LIPI: variants seen among roughly 807,000 people sequenced by gnomAD.
LIPI encodes the protein lipase I, also known as lipase member I.
Under a neutral mutation model 50.6 loss-of-function variants are expected in LIPI, and 59 were observed. That is an observed-to-expected ratio of 1.16 (90% CI 0.94 to 1.45). The LOEUF (loss-of-function observed/expected upper bound fraction) is 1.45. Ranked by LOEUF, LIPI falls within the 40% of genes most tolerant of loss-of-function variation. The pLI, the probability that LIPI is intolerant of heterozygous loss-of-function variation, is 0.00. For synonymous variants in LIPI, 203 were observed against 178.2 expected (o/e 1.14, Z -1.11); for missense variants, 586 against 536.3 (o/e 1.09, Z -0.92).
At chr21:14,176,547 G>A (rs447815) in intron 4 of LIPI, among the ~76,000 whole-genome samples, 20,831 of 151,272 alleles carry the variant, frequency 0.14, 1,893 homozygotes, top group Non-Finnish European at 0.2. Flanking sequence ...GTATTCATTA[G>A]TTATTTTTAA....
At chr21:14,117,017 C>T (rs1189187312) in intron 9 of LIPI, among the ~76,000 whole-genome samples, 1 of 152,046 alleles carries the variant, frequency 6.6e-6, no homozygotes, top group Non-Finnish European at 1.5e-5. Context: ...AGAGTACCCC[C>T]CAAACTTCAC....
At chr21:14,131,165 T>C (rs2017280124) in intron 9 of LIPI, among the ~76,000 whole-genome samples, 1 of 152,080 alleles carries the variant, frequency 6.6e-6, no homozygotes, top group Admixed American at 6.5e-5. Flanking sequence ...TTAGCCAGGA[T>C]GGTCTCGATC....
chr21:14,206,750 T>C, intron 1 of LIPI: 1 of 932,170 alleles, frequency 1.1e-6, no homozygotes, highest in Non-Finnish European at 1.7e-6. Flanking sequence ...AGCCCAGTGT[T>C]GTTTTATATT....
At chr21:14,132,616 A>C (rs748647421) in intron 9 of LIPI, among the ~76,000 whole-genome samples, 8 of 152,164 alleles carry the variant, frequency 5.3e-5, no homozygotes, top group Non-Finnish European at 1.2e-4. Flanking sequence ...ACCATCACAA[A>C]AACACAAAAA....
chr21:14,183,432 A>C (rs983535739), intron 3 of LIPI, among the ~76,000 whole-genome samples: 3 of 152,352 alleles, frequency 2.0e-5, no homozygotes, highest in African/African-American at 7.2e-5. Context: ...CTTCATGTCT[A>C]AATCACCAAA....
intron 4 of LIPI, among the ~76,000 whole-genome samples, chr21:14,171,238 A>G (rs1173466364): frequency 6.7e-6 from 1 of 150,030 alleles, no homozygotes; most frequent in Non-Finnish European, 1.5e-5. Flanking sequence ...ATGGAAGAAC[A>G]TTCCATGCTC....
chr21:14,178,096 T>C (rs1245923465), intron 4 of LIPI, among the ~76,000 whole-genome samples: 2 of 152,140 alleles, frequency 1.3e-5, no homozygotes, highest in Non-Finnish European at 2.9e-5. Flanking sequence ...TTATTCACCT[T>C]ATTTAAATAA....
At chr21:14,204,676 T>C (rs1021688202) in intron 1 of LIPI, among the ~76,000 whole-genome samples, 5 of 152,028 alleles carry the variant, frequency 3.3e-5, no homozygotes, top group African/African-American at 9.7e-5. Context: ...AAATATATCA[T>C]TTTAACTATA....
intron 5 of LIPI, among the ~76,000 whole-genome samples, 170 bp downstream of exon 5, chr21:14,166,192 A>G (rs2018676645): frequency 6.6e-6 from 1 of 152,208 alleles, no homozygotes; most frequent in Admixed American, 6.5e-5. Flanking sequence ...GGTAACCTTT[A>G]TGAACTAAGC....
intron 1 of LIPI, among the ~76,000 whole-genome samples, chr21:14,198,671 G>T (rs1449640938): frequency 6.6e-6 from 1 of 151,986 alleles, no homozygotes; most frequent in African/African-American, 2.4e-5. Flanking sequence ...CAATAATAAT[G>T]GGAGACTTCA....
At chr21:14,129,750 A>T (rs574286406) in intron 9 of LIPI, among the ~76,000 whole-genome samples, 11 of 149,870 alleles carry the variant, frequency 7.3e-5, no homozygotes, top group South Asian at 2.1e-4. Context: ...GCTGATTTTT[A>T]AAAAAACCTA....
At chr21:14,189,002 G>C in intron 2 of LIPI, 32 bp downstream of exon 2, 1 of 1,520,156 alleles carries the variant, frequency 6.6e-7, no homozygotes, top group Non-Finnish European at 9.0e-7. Flanking sequence ...ATATTGTATA[G>C]CATGTATAAT....
chr21:14,161,459 TA>T (rs1201062871), intron 7 of LIPI, among the ~76,000 whole-genome samples: 4 of 139,168 alleles, frequency 2.9e-5, no homozygotes, highest in Non-Finnish European at 6.1e-5. Flanking sequence ...ATAGATATTA[TA>T]TAGCTATTAT....
At chr21:14,161,773 T>C (rs1270024015) in intron 7 of LIPI, among the ~76,000 whole-genome samples, 8 of 58,398 alleles carry the variant, frequency 1.4e-4, no homozygotes, top group Admixed American at 6.1e-4. Flanking sequence ...TTATTATATA[T>C]TAATATATAA....
intron 9 of LIPI, among the ~76,000 whole-genome samples, chr21:14,124,269 C>T (rs1214626269): frequency 6.6e-6 from 1 of 152,126 alleles, no homozygotes; most frequent in Admixed American, 6.6e-5. Context: ...GATTATGGTG[C>T]TCTTTATTAA....
intron 3 of LIPI, 105 bp from the exon 4 acceptor site, chr21:14,181,964 T>G: frequency 1.4e-6 from 1 of 713,614 alleles, no homozygotes; most frequent in Non-Finnish European, 2.5e-6. Flanking sequence ...CATTTATACT[T>G]TTAGTTTAAA....
chr21:14,152,061 C>A (rs908056164), intron 8 of LIPI, among the ~76,000 whole-genome samples: 5 of 149,846 alleles, frequency 3.3e-5, no homozygotes. Context: ...GTCTTTTACT[C>A]TTTAACTTAT....
At chr21:14,141,318 A>G (rs912772302) in intron 9 of LIPI, among the ~76,000 whole-genome samples, 5 of 151,710 alleles carry the variant, frequency 3.3e-5, no homozygotes, top group Non-Finnish European at 5.9e-5. Flanking sequence ...ATTGATAAAT[A>G]TATTTTCTAC....
At chr21:14,127,279 A>G (rs545570063) in intron 9 of LIPI, among the ~76,000 whole-genome samples, 2 of 152,342 alleles carry the variant, frequency 1.3e-5, no homozygotes, top group African/African-American at 4.8e-5. Context: ...CATTATCTGT[A>G]TGGACAGATC....
Sources: allele counts gnomAD v4.1 joint callset (sites outside exome capture counted in the v4.1 genomes callset), GRCh38; gene constraint gnomAD v4.1.1; transcripts MANE v1.5; gene names NCBI Gene and HGNC (gene_info 2026-07-23, HGNC 2026-07-21).